Variants in MICAL3 observed in about 807,000 individuals in gnomAD.
The protein encoded by MICAL3 is [F-actin]-monooxygenase MICAL3.
MICAL3 carries 62 observed loss-of-function variants against 207.4 expected under a neutral mutation model. The ratio of observed to expected loss-of-function variants is 0.30; its 90% confidence interval spans 0.24 to 0.37. MICAL3 has a LOEUF of 0.37. Among genes scored for constraint, MICAL3 ranks in the 10% least tolerant of loss-of-function variants. The probability of loss-of-function intolerance (pLI) is 1.00; values close to 1 mark genes in which losing one functional copy is unlikely to be tolerated. For missense variants in MICAL3, 2,368 were observed against 2,635.6 expected, an observed-to-expected ratio of 0.90 and a Z score of 2.22; for synonymous variants, 1,077 against 1,069.3, an observed-to-expected ratio of 1.01 and a Z score of -0.14.
chr22:17,896,503 G>A, intron 8 of MICAL3, 142 bp from the exon 9 acceptor site: 1 of 748,730 alleles, frequency 1.3e-6, no homozygotes, highest in Non-Finnish European at 2.2e-6. Context: ...TTCCCAGATT[G>A]GCAAGGAGTA....
chr22:17,890,184 T>G (rs1458533990), intron 12 of MICAL3, among the ~76,000 whole-genome samples: 1 of 152,198 alleles, frequency 6.6e-6, no homozygotes, highest in Non-Finnish European at 1.5e-5. Flanking sequence ...TAATTCTGTG[T>G]TAATCTAGGA....
intron 1 of MICAL3, among the ~76,000 whole-genome samples, chr22:17,953,196 A>G (rs1777762335): frequency 6.6e-6 from 1 of 152,216 alleles, no homozygotes; most frequent in African/African-American, 2.4e-5. Context: ...GAAAGCAGAC[A>G]GTAACATTCA....
At chr22:17,976,759 G>C (rs911886710) in intron 1 of MICAL3, among the ~76,000 whole-genome samples, 2 of 148,954 alleles carry the variant, frequency 1.3e-5, no homozygotes, top group Non-Finnish European at 3.0e-5. Context: ...TAAGTTCTGA[G>C]TATTAAAGGT....
At chr22:18,007,678 G>C (rs1305754920) in intron 1 of MICAL3, among the ~76,000 whole-genome samples, 1 of 150,670 alleles carries the variant, frequency 6.6e-6, no homozygotes, top group Non-Finnish European at 1.5e-5. Flanking sequence ...ATGGGGCCGG[G>C]TGCTGTGGCT....
chr22:17,849,743 G>A (rs1925090019), intron 19 of MICAL3, among the ~76,000 whole-genome samples: 1 of 137,856 alleles, frequency 7.3e-6, no homozygotes, highest in South Asian at 2.3e-4. Context: ...CACCCAAGCT[G>A]GAGTGCAGTG....
rs563424380 is a variant in MICAL3 at position 17,894,177 on chromosome 22, C to T, written c.1450-273G>A. ...CTATAATCCCTATAGTTGGGGAGGC[C>T]GAGGCCAGCAGATGGCTTAAGGCTA... is the stretch of plus-strand genomic sequence containing the variant. On this transcript the variant is annotated intron_variant, in intron 10 of 31. Coordinates refer to ENST00000441493, the MANE Select transcript of MICAL3 (RefSeq NM_015241.3). Among the ~76,000 whole-genome samples, 9 of 151,984 alleles carry T rather than the reference C, an allele frequency of 5.9e-5. No individual in the cohort carries two copies. The South Asian group carries it at 6.2e-4, about 11-fold the overall frequency.
chr22:17,877,260 AGGGAAG>A (rs1928745551), intron 16 of MICAL3, among the ~76,000 whole-genome samples: 1 of 119,326 alleles, frequency 8.4e-6, no homozygotes, highest in African/African-American at 4.2e-5. Context: ...TAGGGAGGTT[AGGGAAG>A]TTATGGAGGT....
rs377121868 is a variant in MICAL3, at chr22:17,818,666, G to A, written c.3995C>T (p.Ala1332Val). 3.1e-6 allele frequency: 5 copies of A among 1,613,534 alleles called. No homozygotes were observed. Among genetic ancestry groups the A allele is most frequent in the Admixed American group, 3.3e-5 (2 of 60,004 alleles). Residue 1332 changes from alanine (A) to valine (V), a missense_variant, in exon 26 of 32, where the codon GCG (alanine) becomes GTG (valine). Transcript: ENST00000441493. ...GAGCCCGAGGCTGCGGCGGATCTCCGCACTCTTCATCCAGAACTCCTCCAC... is the reference window on the plus strand; with the variant it reads ...GAGCCCGAGGCTGCGGCGGATCTCCACACTCTTCATCCAGAACTCCTCCAC... ...DLVEEFWMKS[A>V]EIRRSLGLTP... is the part of the protein sequence containing the mutation.
At chr22:17,938,272 C>G (rs1010369214) in intron 1 of MICAL3, among the ~76,000 whole-genome samples, 1 of 152,150 alleles carries the variant, frequency 6.6e-6, no homozygotes, top group African/African-American at 2.4e-5. Flanking sequence ...ATTCCACTTC[C>G]CCACAAAGAA....
chr22:17,792,593 A>G (rs1015353439), intron 29 of MICAL3, among the ~76,000 whole-genome samples: 2 of 152,206 alleles, frequency 1.3e-5, no homozygotes, highest in African/African-American at 2.4e-5. Context: ...CACACGGTAC[A>G]CAGACACACC....
At chr22:17,980,271 T>C (rs1935848025) in intron 1 of MICAL3, among the ~76,000 whole-genome samples, 1 of 152,142 alleles carries the variant, frequency 6.6e-6, no homozygotes, top group Non-Finnish European at 1.5e-5. Flanking sequence ...GGAATGGAGA[T>C]AAACTGGGAA....
At position 17,904,736 on chromosome 22, in the gene MICAL3, C is replaced by T. The variant is rs1461539850; in HGVS notation, c.368G>A (p.Arg123His). ...VVIEKRDAFSRNNVLHLWPFT... is the reference protein window; with the variant it reads ...VVIEKRDAFSHNNVLHLWPFT... ...TGGCCAGAGATGCAAGACGTTGTTG[C>T]GGGAGAAGGCATCTCGTTTCTCAAT... The change falls in exon 3 of 32, where the codon CGC becomes CAC. Residue 123 changes from arginine to histidine, a missense_variant. By Grantham distance (29) the Arg-to-His change is conservative. Coordinates refer to ENST00000441493, the MANE Select transcript of MICAL3 (RefSeq NM_015241.3). 6.2e-7 allele frequency: 1 copy of T among 1,613,776 alleles called. No individual in the cohort carries two copies.
At chr22:17,854,402 G>A (rs560258645) in intron 19 of MICAL3, among the ~76,000 whole-genome samples, 10 of 152,200 alleles carry the variant, frequency 6.6e-5, no homozygotes, top group East Asian at 1.9e-4. Flanking sequence ...CAAACAGGCC[G>A]ACCAACCAAC....
rs561918346 is a variant in MICAL3 at position 17,983,837 on chromosome 22, G to A, written c.-75+40444C>T. Among the ~76,000 whole-genome samples the A allele has an allele frequency of 7.2e-4, 109 of 152,166 alleles. 1 individual carries two copies. The Middle Eastern group carries it at 0.01, about 14-fold the overall frequency. ...AAAGGTGCCCTATCAGACTCCGAGA[G>A]AATATTCTTGTTCCCAGGAAACAGA... is the stretch of plus-strand genomic sequence containing the variant. On this transcript the variant is annotated intron_variant, in intron 1 of 31. Transcript: ENST00000441493.
intron 1 of MICAL3, among the ~76,000 whole-genome samples, chr22:17,974,734 A>AC (rs1331767797): frequency 6.6e-6 from 1 of 151,846 alleles, no homozygotes; most frequent in East Asian, 1.9e-4. Flanking sequence ...AAAAAAAAAA[A>AC]AAAAAAAAAA....
At chr22:17,961,207 C>T (rs1004027407) in intron 1 of MICAL3, among the ~76,000 whole-genome samples, 2 of 152,118 alleles carry the variant, frequency 1.3e-5, no homozygotes, top group African/African-American at 4.8e-5. Flanking sequence ...GAAGGCAGGG[C>T]TCACAGGACC....
At chr22:17,910,990 G>T (rs1469667149) in intron 1 of MICAL3, among the ~76,000 whole-genome samples, 1 of 148,752 alleles carries the variant, frequency 6.7e-6, no homozygotes, top group East Asian at 2.0e-4. Context: ...GCAAGGAAGG[G>T]GTAGAGGAAG....
chr22:17,892,548 A>C (rs1930478004), intron 11 of MICAL3, among the ~76,000 whole-genome samples: 1 of 152,204 alleles, frequency 6.6e-6, no homozygotes, highest in Admixed American at 6.5e-5. Context: ...GCGATAACAC[A>C]TAAAACCACC....
chr22:17,904,005 C>A (rs988726617), intron 3 of MICAL3, among the ~76,000 whole-genome samples: 1 of 152,236 alleles, frequency 6.6e-6, no homozygotes, highest in Non-Finnish European at 1.5e-5. Flanking sequence ...TATTCATACC[C>A]TGTAGGATCT....
Sources: gnomAD v4.1 joint callset for allele counts (sites outside exome capture counted in the v4.1 genomes callset) on GRCh38, gnomAD v4.1.1 for gene constraint, MANE v1.5 for transcripts, NCBI Gene and HGNC (gene_info 2026-07-23, HGNC 2026-07-21) for gene names.